The following OOSP3 variants were observed in gnomAD, a reference collection of about 807,000 sequenced individuals.
The protein encoded by OOSP3 is oocyte secreted protein family member 3, also known as oocyte-secreted protein 3.
rs532843652 is a variant in OOSP3 at position 59,887,659 on chromosome 11, T to C, written c.253-6420T>C. 5.3e-5 allele frequency among the ~76,000 whole-genome samples: 8 copies of C among 152,356 alleles called. No individual in the cohort carries two copies. The South Asian group carries it at 8.3e-4, about 16-fold the overall frequency. On this transcript the variant is annotated intron_variant, in intron 2 of 4. Transcript: ENST00000646438. ...GTATTTTGTTTTATTGGTTTATATGTCTGTTTTTGCACCAGTACCATGCTG... is the reference window on the plus strand; with the variant it reads ...GTATTTTGTTTTATTGGTTTATATGCCTGTTTTTGCACCAGTACCATGCTG...
chr11:59,891,379 T>C (rs904321962), intron 2 of OOSP3, among the ~76,000 whole-genome samples: 1 of 152,240 alleles, frequency 6.6e-6, no homozygotes, highest in Non-Finnish European at 1.5e-5. Context: ...ATTTTCAGCA[T>C]TTTTGTGTTG....
intron 3 of OOSP3, among the ~76,000 whole-genome samples, chr11:59,895,138 G>A (rs1853344080): frequency 6.6e-6 from 1 of 152,126 alleles, no homozygotes; most frequent in South Asian, 2.1e-4. Context: ...ATGGATGAAT[G>A]CTGTTAACCT....
chr11:59,889,408 C>A (rs1381470850), intron 2 of OOSP3, among the ~76,000 whole-genome samples: 1 of 152,100 alleles, frequency 6.6e-6, no homozygotes, highest in African/African-American at 2.4e-5. Flanking sequence ...AATTTGAAAT[C>A]TTTTCAGCTT....
chr11:59,884,453 C>T lies in OOSP3; in HGVS notation c.252+4014C>T, dbSNP rs1333998478. On this transcript the variant is annotated intron_variant, in intron 2 of 4. Transcript: ENST00000646438. ...TATATACAAGATCATGTCTGTTTGT[C>T]TGTCTGTCTGTCTGTCTGTCTGTCT... 4.0e-5 allele frequency among the ~76,000 whole-genome samples: 5 copies of T among 126,002 alleles called. No individual in the cohort carries two copies. In the East Asian group the frequency reaches 1.2e-3, roughly 29 times the overall value. The allele number at this position is 126,002 out of a possible 152,430, so 82.7% of individuals were successfully genotyped here.
At chr11:59,884,089 G>A (rs1239109515) in intron 2 of OOSP3, among the ~76,000 whole-genome samples, 1 of 152,120 alleles carries the variant, frequency 6.6e-6, no homozygotes, top group Non-Finnish European at 1.5e-5. Context: ...TGGGAAGAAG[G>A]GAAGAATCTT....
At chr11:59,884,826 T>G (rs1449066951) in intron 2 of OOSP3, among the ~76,000 whole-genome samples, 1 of 152,132 alleles carries the variant, frequency 6.6e-6, no homozygotes, top group Admixed American at 6.6e-5. Flanking sequence ...TAAATAGAGA[T>G]AGTTTTAATT....
chr11:59,894,970 C>A (rs777107205), intron 3 of OOSP3, among the ~76,000 whole-genome samples: 33 of 152,138 alleles, frequency 2.2e-4, no homozygotes, highest in Non-Finnish European at 4.1e-4. Context: ...ACTTCCCCCA[C>A]CCCCAATTTT....
intron 2 of OOSP3, among the ~76,000 whole-genome samples, chr11:59,887,271 T>C (rs1416573986): frequency 6.6e-6 from 1 of 152,214 alleles, no homozygotes; most frequent in Admixed American, 6.5e-5. Context: ...AGAAGCTCTT[T>C]AGTTTAATTA....
rs1853314754 is a variant in OOSP3, at chr11:59,891,730, G to T, written c.253-2349G>T. Among the ~76,000 whole-genome samples, 3 of 152,220 alleles carry T rather than the reference G, an allele frequency of 2.0e-5. No individual in the cohort carries two copies. The South Asian group carries it at 6.2e-4, about 31-fold the overall frequency. On this transcript the variant is annotated intron_variant, in intron 2 of 4. Transcript: ENST00000646438. ...CTGTTGGGAGGTCTTATGCAGTCAG[G>T]AGGCATGGAATCAGGGACCTGCTTA... is the stretch of plus-strand genomic sequence containing the variant.
chr11:59,888,622 C>G (rs1853283296), intron 2 of OOSP3, among the ~76,000 whole-genome samples: 1 of 152,120 alleles, frequency 6.6e-6, no homozygotes, highest in Non-Finnish European at 1.5e-5. Context: ...TATGTTGAAC[C>G]AGCCTTGCAT....
chr11:59,889,014 C>T (rs1459168709), intron 2 of OOSP3, among the ~76,000 whole-genome samples: 1 of 152,106 alleles, frequency 6.6e-6, no homozygotes, highest in Non-Finnish European at 1.5e-5. Context: ...GATTCAACTT[C>T]CTGGTTCAGT....
chr11:59,880,477 C>T, intron 2 of OOSP3, 38 bp downstream of exon 2: 1 of 398,312 alleles, frequency 2.5e-6, no homozygotes. Context: ...AAACTAACCC[C>T]TAGGTTGTAC....
chr11:59,884,042 C>A (rs1853226266), intron 2 of OOSP3, among the ~76,000 whole-genome samples: 1 of 152,106 alleles, frequency 6.6e-6, no homozygotes. Context: ...AGGTCTTTTT[C>A]AAATATAAAA....
intron 1 of OOSP3, 52 bp from the exon 2 acceptor site, chr11:59,880,209 C>A: frequency 2.5e-6 from 1 of 397,692 alleles, no homozygotes; most frequent in South Asian, 1.3e-4. Context: ...CTCTGGGTGT[C>A]GTTTAGCATA....
At chr11:59,890,746 A>T (rs1369958449) in intron 2 of OOSP3, among the ~76,000 whole-genome samples, 2 of 152,082 alleles carry the variant, frequency 1.3e-5, no homozygotes, top group African/African-American at 4.8e-5. Context: ...AAATTGGATG[A>T]TTATGTGTCT....
intron 2 of OOSP3, among the ~76,000 whole-genome samples, chr11:59,883,055 GGGT>G (rs1424043059): frequency 1.3e-5 from 2 of 151,940 alleles, no homozygotes; most frequent in Admixed American, 1.3e-4. Context: ...CAATTGTGTT[GGGT>G]AAATACCTAG....
At chr11:59,886,092 T>C (rs945055742) in intron 2 of OOSP3, among the ~76,000 whole-genome samples, 8 of 152,198 alleles carry the variant, frequency 5.3e-5, no homozygotes, top group Admixed American at 2.0e-4. Context: ...CCCCTCTCTG[T>C]GTCCATGTGT....
chr11:59,892,645 T>C (rs1028768172), intron 2 of OOSP3, among the ~76,000 whole-genome samples: 13 of 152,064 alleles, frequency 8.5e-5, no homozygotes, highest in African/African-American at 2.9e-4. Flanking sequence ...TATATAGGTC[T>C]ATTCCTCTTG....
At chr11:59,887,853 T>A (rs1286479158) in intron 2 of OOSP3, among the ~76,000 whole-genome samples, 1 of 152,240 alleles carries the variant, frequency 6.6e-6, no homozygotes, top group Non-Finnish European at 1.5e-5. Flanking sequence ...AATGGTAGTT[T>A]AATGGGAATG....
Sources: allele counts gnomAD v4.1 joint callset (sites outside exome capture counted in the v4.1 genomes callset), GRCh38; gene constraint gnomAD v4.1.1; transcripts MANE v1.5; gene names NCBI Gene and HGNC (gene_info 2026-07-23, HGNC 2026-07-21).